The following THAP6 variants were observed in gnomAD, a reference collection of about 807,000 sequenced individuals.
THAP6 encodes THAP domain containing 6, also known as THAP domain-containing protein 6.
Under a neutral mutation model 20.0 loss-of-function variants are expected in THAP6, and 13 were observed. That is an observed-to-expected ratio of 0.65 (90% CI 0.42 to 1.03). THAP6 has a LOEUF of 1.03. Among genes scored for constraint, THAP6 ranks in the 50% least tolerant of loss-of-function variants. The pLI is 0.00. For synonymous variants in THAP6, 93 were observed against 92.2 expected, an observed-to-expected ratio of 1.01 and a Z score of -0.05; for missense variants, 262 against 261.6, an observed-to-expected ratio of 1.00 and a Z score of -0.01.
intron 3 of THAP6, among the ~76,000 whole-genome samples, chr4:75,545,751 T>C (rs1485492482): frequency 1.3e-5 from 2 of 152,202 alleles, no homozygotes; most frequent in African/African-American, 4.8e-5. Context: ...GCGTCCGCAG[T>C]TGTGACCACA....
intron 2 of THAP6, chr4:75,539,782 G>A: frequency 6.6e-7 from 1 of 1,520,654 alleles, no homozygotes; most frequent in Non-Finnish European, 8.8e-7. Flanking sequence ...TTATTTCATT[G>A]CGTATAAAAC....
chr4:75,540,525 T>C (rs1327623196), intron 2 of THAP6, among the ~76,000 whole-genome samples: 1 of 152,156 alleles, frequency 6.6e-6, no homozygotes, highest in Non-Finnish European at 1.5e-5. Context: ...ATAATAAACT[T>C]CTCAAATCCT....
At chr4:75,521,421 A>G (rs1297349051) in intron 3 of THAP6, among the ~76,000 whole-genome samples, 3 of 152,036 alleles carry the variant, frequency 2.0e-5, no homozygotes, top group African/African-American at 7.2e-5. Context: ...TATCTACTTG[A>G]TGATCTATTT....
chr4:75,542,340 T>C (rs1350434239), intron 2 of THAP6: 2 of 675,340 alleles, frequency 3.0e-6, no homozygotes, highest in African/African-American at 1.8e-5. Flanking sequence ...CTGGGAAGTA[T>C]TGCATGCTCT....
upstream of THAP6, chr4:75,513,954 A>T: frequency 2.4e-6 from 1 of 420,940 alleles, no homozygotes; most frequent in Non-Finnish European, 4.1e-6. Flanking sequence ...GGCAGAGACC[A>T]CTGTGCAAGC....
At chr4:75,531,162 G>A, downstream of THAP6, among the ~76,000 whole-genome samples, 1 of 152,208 alleles carries the variant, frequency 6.6e-6, no homozygotes, top group East Asian at 1.9e-4. Flanking sequence ...GTACAGACAA[G>A]GTGGTTTATG....
rs570810828 is a variant in THAP6 at position 75,516,675 on chromosome 4, A to T, written c.81-97A>T. ...AATTCTCAAGACTAATAAACTAGTT[A>T]ACGAATCAATTTAGTCACAGTTGTA... On this transcript the variant is annotated intron_variant, in intron 2 of 4. Transcript: ENST00000311638. The T allele has an allele frequency of 8.9e-5, 86 of 962,790 alleles. No homozygotes were observed. The African/African-American group carries it at 1.4e-3, about 15-fold the overall frequency. The allele number at this position is 962,790 out of a possible 1,614,324, so 59.6% of individuals were successfully genotyped here.
At position 75,535,444 on chromosome 4, in the gene THAP6, T is replaced by C. The variant is rs72866292; in HGVS notation, c.166-6965T>C. On this transcript the variant is annotated intron_variant, in intron 2 of 4. Transcript: ENST00000502620. ...CCAGCAGCTGGAGGAATAAGTCCTT[T>C]GTTCCTGAAGGGAGTTCTGTACCTC... 5.7e-3 allele frequency among the ~76,000 whole-genome samples: 872 copies of C among 152,346 alleles called. 9 individuals carry two copies. Among genetic ancestry groups the C allele is most frequent in the African/African-American group, 0.02 (822 of 41,582 alleles).
chr4:75,544,013 A>C (rs1052325652), intron 3 of THAP6, among the ~76,000 whole-genome samples: 2 of 152,216 alleles, frequency 1.3e-5, no homozygotes, highest in Non-Finnish European at 1.5e-5. Flanking sequence ...TCTTCCCACT[A>C]GCCATGAGGT....
chr4:75,539,805 A>G, intron 2 of THAP6: 1 of 1,535,034 alleles, frequency 6.5e-7, no homozygotes, highest in Non-Finnish European at 8.7e-7. Flanking sequence ...AGACCATACA[A>G]TGAGCCATCC....
upstream of THAP6, chr4:75,514,321 C>A: frequency 6.3e-7 from 1 of 1,593,642 alleles, no homozygotes; most frequent in African/African-American, 1.3e-5. Context: ...ACCGATCCTT[C>A]CCCCAGGATA....
chr4:75,523,584 G>A (rs1726171304), intron 4 of THAP6, among the ~76,000 whole-genome samples: 1 of 152,014 alleles, frequency 6.6e-6, no homozygotes, highest in African/African-American at 2.4e-5. Flanking sequence ...TGGATAGATT[G>A]CTTGAGCTCA....
At position 75,521,191 on chromosome 4, in the gene THAP6, T is replaced by C. The variant is rs1726004784; in HGVS notation, c.289-545T>C. ...GTCAATTCTATATTTTCTTGTGTTA[T>C]ATGACGTTAGCCTTTCTCACTTTAA... is the stretch of plus-strand genomic sequence containing the variant. On this transcript the variant is annotated intron_variant, in intron 3 of 4. Transcript: ENST00000311638. Among the ~76,000 whole-genome samples the C allele has an allele frequency of 3.3e-5, 5 of 151,968 alleles. No homozygotes were observed. In the South Asian group the frequency reaches 1.0e-3, roughly 31 times the overall value.
At chr4:75,532,043 G>C (rs1726696926), downstream of THAP6, among the ~76,000 whole-genome samples, 1 of 151,954 alleles carries the variant, frequency 6.6e-6, no homozygotes, top group Admixed American at 6.6e-5. Flanking sequence ...CTTTCCAACA[G>C]TCCCCCAAAG....
intron 2 of THAP6, among the ~76,000 whole-genome samples, chr4:75,540,336 T>G (rs1241773899): frequency 1.3e-5 from 2 of 152,228 alleles, no homozygotes; most frequent in Admixed American, 6.5e-5. Context: ...ATTTACATTC[T>G]GGAACAAGAG....
chr4:75,518,730 A>G (rs923441054), intron 3 of THAP6, among the ~76,000 whole-genome samples: 8 of 152,304 alleles, frequency 5.3e-5, no homozygotes, highest in Middle Eastern at 3.4e-3. Flanking sequence ...TAGCTTTCAA[A>G]CTTTAGTCTA....
intron 4 of THAP6, among the ~76,000 whole-genome samples, chr4:75,525,729 G>A (rs1726321558): frequency 1.3e-5 from 2 of 152,086 alleles, no homozygotes; most frequent in Non-Finnish European, 2.9e-5. Flanking sequence ...GCATTGTTCT[G>A]GAGTACAGTT....
chr4:75,521,549 A>G lies in THAP6; in HGVS notation c.289-187A>G, dbSNP rs1003433048. Among the ~76,000 whole-genome samples, 12 of 152,202 alleles carry G rather than the reference A, an allele frequency of 7.9e-5. 1 individual carries two copies. The East Asian group carries it at 2.1e-3, about 27-fold the overall frequency. On this transcript the variant is annotated intron_variant, in intron 3 of 4. Coordinates refer to ENST00000311638, the MANE Select transcript of THAP6 (RefSeq NM_144721.6). ...TTTTTAGGAAAATTTGTGTTTTCAG[A>G]TAACCTTAGAGTTGATTTCAGAAAG...
At position 75,521,803 on chromosome 4, in the gene THAP6, A is replaced by G. The variant is rs536379368; in HGVS notation, c.356A>G (p.Asn119Ser). 1.9e-6 allele frequency: 3 copies of G among 1,613,474 alleles called. No homozygotes were observed. Among genetic ancestry groups the G allele is most frequent in the African/African-American group, 1.3e-5 (1 of 75,022 alleles). The change falls in exon 4 of 5, where the codon AAT becomes AGT. Residue 119 changes from asparagine to serine, a missense_variant. Asn to Ser is a conservative substitution (Grantham distance 46, BLOSUM62 1). Coordinates refer to ENST00000311638, the MANE Select transcript of THAP6 (RefSeq NM_144721.6). ...TLKTVPATNY[N>S]HHLVGASSCI... is the part of the protein sequence containing the mutation. ...AAAACCGTTCCAGCCACTAACTACA[A>G]TCACCATCTTGTTGGTGCTTCCTCA...
Sources: gnomAD v4.1 joint callset for allele counts (sites outside exome capture counted in the v4.1 genomes callset) on GRCh38, gnomAD v4.1.1 for gene constraint, MANE v1.5 for transcripts, NCBI Gene and HGNC (gene_info 2026-07-23, HGNC 2026-07-21) for gene names.